ABHD17C: variants seen among roughly 807,000 people sequenced by gnomAD.
The protein encoded by ABHD17C is abhydrolase domain containing 17C, depalmitoylase.
Under a neutral mutation model 27.9 loss-of-function variants are expected in ABHD17C, and 11 were observed. The ratio of observed to expected loss-of-function variants is 0.39; its 90% CI spans 0.25 to 0.65. The LOEUF (loss-of-function observed/expected upper bound fraction) is 0.65, where lower values mean the gene tolerates loss of function less well. Among genes scored for constraint, ABHD17C ranks in the 30% least tolerant of loss-of-function variants. The pLI, the probability that ABHD17C is intolerant of heterozygous loss-of-function variation, is 0.45. For missense variants in ABHD17C, 280 were observed against 470.2 expected, an observed-to-expected ratio of 0.60 and a Z score of 3.74; for synonymous variants, 233 against 209.1, an observed-to-expected ratio of 1.11 and a Z score of -0.98.
chr15:80,697,106 C>A (rs1394731329), intron 1 of ABHD17C, among the ~76,000 whole-genome samples: 1 of 150,012 alleles, frequency 6.7e-6, no homozygotes, highest in African/African-American at 2.4e-5. Context: ...TTTTTTTTTT[C>A]ATTCGTACTC....
chr15:80,729,233 G>T (rs1596068289), intron 1 of ABHD17C, among the ~76,000 whole-genome samples: 1 of 152,108 alleles, frequency 6.6e-6, no homozygotes, highest in African/African-American at 2.4e-5. Context: ...GCATGTATGC[G>T]TGTAACCAGC....
intron 1 of ABHD17C, among the ~76,000 whole-genome samples, chr15:80,742,637 G>A (rs1213879078): frequency 6.6e-6 from 1 of 152,144 alleles, no homozygotes; most frequent in Non-Finnish European, 1.5e-5. Flanking sequence ...TAGTTGATAC[G>A]TAAAATTAGC....
intron 1 of ABHD17C, among the ~76,000 whole-genome samples, chr15:80,713,395 TAGAA>T (rs1380472997): frequency 1.8e-5 from 2 of 108,598 alleles, no homozygotes; most frequent in Non-Finnish European, 3.5e-5. Context: ...AAATCAGCCT[TAGAA>T]AGGAAAACAG....
chr15:80,723,251 T>C (rs573407885), intron 1 of ABHD17C, among the ~76,000 whole-genome samples: 1 of 152,266 alleles, frequency 6.6e-6, no homozygotes, highest in Non-Finnish European at 1.5e-5. Context: ...CTGCCAAGGC[T>C]GTTACATGTG....
chr15:80,707,978 C>T (rs1411997970), intron 1 of ABHD17C, among the ~76,000 whole-genome samples: 1 of 152,184 alleles, frequency 6.6e-6, no homozygotes, highest in Admixed American at 6.5e-5. Context: ...TCAGTGGGAG[C>T]TTGCAGTGCA....
chr15:80,719,391 C>T (rs1894857574), intron 1 of ABHD17C, among the ~76,000 whole-genome samples: 1 of 152,144 alleles, frequency 6.6e-6, no homozygotes, highest in Non-Finnish European at 1.5e-5. Flanking sequence ...ATTTCTTCTT[C>T]TGTCCCCTTG....
At chr15:80,734,997 G>A (rs553247688) in intron 1 of ABHD17C, among the ~76,000 whole-genome samples, 2 of 152,256 alleles carry the variant, frequency 1.3e-5, no homozygotes, top group East Asian at 3.9e-4. Flanking sequence ...CATCTCGCAT[G>A]GGACCTGGGC....
chr15:80,723,734 C>T (rs944058686), intron 1 of ABHD17C, among the ~76,000 whole-genome samples: 2 of 152,216 alleles, frequency 1.3e-5, no homozygotes, highest in African/African-American at 4.8e-5. Context: ...TCCTGGGGCA[C>T]ACAGAATCAG....
intron 1 of ABHD17C, among the ~76,000 whole-genome samples, chr15:80,742,477 C>A (rs761143243): frequency 2.1e-4 from 32 of 152,174 alleles, no homozygotes; most frequent in Non-Finnish European, 4.1e-4. Context: ...CTGTTGTCCA[C>A]CTTTTTGTTC....
rs373729152 is a variant in ABHD17C, at chr15:80,711,004, T to C, written c.590+14985T>C. 7.2e-4 allele frequency among the ~76,000 whole-genome samples: 109 copies of C among 152,236 alleles called. 1 individual carries two copies. The highest frequency in any genetic ancestry group is 2.4e-3 in the African/African-American group (99 of 41,536). ...TTAAGTGGAGATGTAGAGTAAGCAA[T>C]AGAATTTAAGTCTAGAGTTCAGGAG... is the stretch of plus-strand genomic sequence containing the variant. On this transcript the variant is annotated intron_variant, in intron 1 of 2. Coordinates refer to ENST00000258884, the MANE Select transcript of ABHD17C (RefSeq NM_021214.2).
intron 1 of ABHD17C, among the ~76,000 whole-genome samples, chr15:80,698,920 C>T (rs1330003445): frequency 1.3e-5 from 2 of 152,232 alleles, no homozygotes; most frequent in Non-Finnish European, 2.9e-5. Flanking sequence ...TGTTCTGAGT[C>T]ATCTTCATCT....
At chr15:80,726,445 T>C (rs1894976683) in intron 1 of ABHD17C, among the ~76,000 whole-genome samples, 1 of 152,136 alleles carries the variant, frequency 6.6e-6, no homozygotes, top group African/African-American at 2.4e-5. Flanking sequence ...ATCTGTTTTT[T>C]TCCCTCCAGT....
intron 1 of ABHD17C, among the ~76,000 whole-genome samples, chr15:80,718,231 G>T (rs1365525415): frequency 6.7e-6 from 1 of 150,268 alleles, no homozygotes; most frequent in African/African-American, 2.4e-5. Flanking sequence ...GCCAAATCAG[G>T]TCTCTAGCTT....
chr15:80,741,967 A>C (rs866883767), intron 1 of ABHD17C, among the ~76,000 whole-genome samples: 2 of 152,214 alleles, frequency 1.3e-5, no homozygotes, highest in South Asian at 2.1e-4. Flanking sequence ...GGGAGGGTTC[A>C]CATCCCAGGT....
intron 1 of ABHD17C, among the ~76,000 whole-genome samples, chr15:80,714,219 G>C (rs1894772715): frequency 6.6e-6 from 1 of 152,210 alleles, no homozygotes; most frequent in African/African-American, 2.4e-5. Flanking sequence ...GCCTCCCAAA[G>C]TGCTAGGATT....
chr15:80,703,629 G>C (rs1034044350), intron 1 of ABHD17C, among the ~76,000 whole-genome samples: 1 of 152,184 alleles, frequency 6.6e-6, no homozygotes, highest in Non-Finnish European at 1.5e-5. Context: ...TAAGTGTGCA[G>C]TCTATGTATA....
Position 80,754,229 on chromosome 15 carries a change from T to C in ABHD17C, c.849T>C (p.His283=). The C allele has an allele frequency of 1.2e-6, 2 of 1,613,964 alleles. No individual in the cohort carries two copies. Among genetic ancestry groups the C allele is most frequent in the South Asian group, 2.2e-5 (2 of 91,086 alleles). Residue 283 remains histidine, a synonymous_variant, in exon 3 of 3, where the codon CAT becomes CAC. Transcript: ENST00000258884. The stretch of plus-strand genomic sequence containing the variant: ...AGGATGAGGTCATCGATTTCTCCCA[T>C]GGCCTAGCGATGTACGAGCGCTGTC... The part of the protein sequence containing the change: ...GTEDEVIDFS[H]GLAMYERCPR...
At chr15:80,732,670 G>A (rs1425549598) in intron 1 of ABHD17C, among the ~76,000 whole-genome samples, 2 of 152,210 alleles carry the variant, frequency 1.3e-5, no homozygotes, top group African/African-American at 4.8e-5. Flanking sequence ...TTAGGCCCAG[G>A]AGAACAGAAC....
chr15:80,741,834 C>G (rs979873550), intron 1 of ABHD17C, among the ~76,000 whole-genome samples: 1 of 152,092 alleles, frequency 6.6e-6, no homozygotes, highest in African/African-American at 2.4e-5. Context: ...TTTGGAGCCC[C>G]CGTGAAGTAA....
Sources: allele counts gnomAD v4.1 joint callset (sites outside exome capture counted in the v4.1 genomes callset), GRCh38; gene constraint gnomAD v4.1.1; transcripts MANE v1.5; gene names NCBI Gene and HGNC (gene_info 2026-07-23, HGNC 2026-07-21).